Variants in AFG1L observed in about 807,000 individuals in gnomAD.
The protein encoded by AFG1L is AFG1 like ATPase, also known as AFG1-like ATPase.
In AFG1L, 53 loss-of-function variants were observed where a neutral mutation model predicts 62.2. The ratio of observed to expected loss-of-function variants is 0.85; its 90% CI spans 0.68 to 1.07. The LOEUF is 1.07. Among genes scored for constraint, AFG1L ranks in the 50% least tolerant of loss-of-function variants. The probability of loss-of-function intolerance (pLI) is 0.00; values close to 1 mark genes in which losing one functional copy is unlikely to be tolerated. For missense variants in AFG1L, 555 were observed against 590.5 expected, an observed-to-expected ratio of 0.94 and a Z score of 0.62; for synonymous variants, 228 against 210.3, an observed-to-expected ratio of 1.08 and a Z score of -0.73.
intron 6 of AFG1L, among the ~76,000 whole-genome samples, chr6:108,393,718 T>C (rs1008373333): frequency 3.0e-4 from 46 of 152,186 alleles, no homozygotes; most frequent in Admixed American, 2.2e-3. Context: ...GACCAAAGTG[T>C]TACCTTAACA....
At chr6:108,388,198 G>A (rs1780859582) in intron 6 of AFG1L, 1 of 152,112 alleles carries the variant, frequency 6.6e-6, no homozygotes, top group South Asian at 2.1e-4. Context: ...ACACACAAAG[G>A]ATTCCCAGAA....
rs780842549 is a variant in AFG1L, at chr6:108,510,339, T to G, written c.1190T>G (p.Phe397Cys). Residue 397 changes from phenylalanine (F) to cysteine (C), a missense_variant, in exon 11 of 13, where the codon TTT (phenylalanine) becomes TGT (cysteine). Physicochemically the swap from Phe to Cys is radical, Grantham distance 205. Transcript: ENST00000368977. The part of the protein sequence containing the change: ...GRRFITLIDN[F>C]YDLKVRIICS... ...AGATTCATAACTCTCATCGATAACT[T>G]TTATGATCTCAAGGTAAGGATGTAG... is the stretch of plus-strand genomic sequence containing the variant. 5 of 1,609,446 alleles carry G rather than the reference T, an allele frequency of 3.1e-6. No homozygotes were observed. The East Asian group carries it at 8.9e-5, about 29-fold the overall frequency.
At chr6:108,470,890 C>G (rs1211486057) in intron 8 of AFG1L, among the ~76,000 whole-genome samples, 1 of 152,162 alleles carries the variant, frequency 6.6e-6, no homozygotes, top group Non-Finnish European at 1.5e-5. Context: ...GGAACATGAA[C>G]AAGAACTCAT....
intron 2 of AFG1L, among the ~76,000 whole-genome samples, chr6:108,345,458 C>G (rs1218971650): frequency 6.6e-6 from 1 of 152,094 alleles, no homozygotes; most frequent in Admixed American, 6.5e-5. Flanking sequence ...CTCCCGGGCT[C>G]AAGCAATCCT....
At position 108,324,011 on chromosome 6, in the gene AFG1L, A is replaced by G; in HGVS notation, c.326A>G (p.Lys109Arg). The stretch of plus-strand genomic sequence containing the variant: ...TTGCAGAAATTACACGAGGACCTTA[A>G]AGGATACAATATAGAGGCAGAAGGC... ...QCLQKLHEDL[K>R]GYNIEAEGLF... Residue 109 changes from lysine to arginine, a missense_variant, in exon 2 of 13, where the codon AAA becomes AGA. Transcript: ENST00000368977. 2.5e-6 allele frequency: 4 copies of G among 1,614,094 alleles called. No individual in the cohort carries two copies. Among genetic ancestry groups the G allele is most frequent in the South Asian group, 2.2e-5 (2 of 91,074 alleles).
At chr6:108,456,535 C>T (rs1036322202) in intron 8 of AFG1L, among the ~76,000 whole-genome samples, 1 of 151,936 alleles carries the variant, frequency 6.6e-6, no homozygotes, top group African/African-American at 2.4e-5. Context: ...AAGTCTATAA[C>T]TCAGTGGTTT....
intron 1 of AFG1L, among the ~76,000 whole-genome samples, chr6:108,314,378 C>A (rs1444664474): frequency 2.0e-5 from 3 of 151,700 alleles, no homozygotes; most frequent in African/African-American, 7.3e-5. Flanking sequence ...GTACCCTGAT[C>A]AAAACCTTCT....
rs565173990 is a variant in AFG1L at position 108,454,883 on chromosome 6, C to A, written c.890+7587C>A. Among the ~76,000 whole-genome samples, 3 of 152,272 alleles carry A rather than the reference C, an allele frequency of 2.0e-5. No homozygotes were observed. In the East Asian group the frequency reaches 5.8e-4, roughly 29 times the overall value. On this transcript the variant is annotated intron_variant, in intron 8 of 12. Coordinates refer to ENST00000368977, the MANE Select transcript of AFG1L (RefSeq NM_145315.5). The stretch of plus-strand genomic sequence containing the variant: ...GGCCAGGCTGGTTTCAAGCAGTCCG[C>A]CTGCCTCGGCCTCCCAAAGTGCTGG...
intron 8 of AFG1L, among the ~76,000 whole-genome samples, chr6:108,468,759 CTTTT>C (rs34963344): frequency 7.2e-6 from 1 of 138,846 alleles, no homozygotes; most frequent in African/African-American, 2.7e-5. Context: ...TTCTATTTTC[CTTTT>C]TTTTTTTTTT....
intron 1 of AFG1L, among the ~76,000 whole-genome samples, chr6:108,320,251 C>G (rs747393895): frequency 6.6e-6 from 1 of 152,118 alleles, no homozygotes; most frequent in Non-Finnish European, 1.5e-5. Flanking sequence ...GGAGGCTATA[C>G]ATTGATTTGA....
chr6:108,510,527 G>A (rs551147888), intron 11 of AFG1L, among the ~76,000 whole-genome samples, 175 bp downstream of exon 11: 3 of 152,262 alleles, frequency 2.0e-5, no homozygotes, highest in Non-Finnish European at 2.9e-5. Context: ...GGGTTGTTGC[G>A]AGGACTAAAA....
intron 8 of AFG1L, among the ~76,000 whole-genome samples, chr6:108,458,424 G>C (rs189668255): frequency 5.8e-4 from 88 of 151,950 alleles, no homozygotes; most frequent in Non-Finnish European, 8.7e-4. Flanking sequence ...CAGTGTATTT[G>C]TCCATGTTAG....
At chr6:108,499,723 T>A (rs1774112818) in intron 10 of AFG1L, among the ~76,000 whole-genome samples, 1 of 151,936 alleles carries the variant, frequency 6.6e-6, no homozygotes, top group Non-Finnish European at 1.5e-5. Flanking sequence ...TGCACTCCAG[T>A]CTGGGCAAAA....
In AFG1L at chr6:108,501,334, T is replaced by C. The variant is rs561984456; in HGVS notation, c.1063-8878T>C. Among the ~76,000 whole-genome samples the C allele has an allele frequency of 4.6e-5, 7 of 152,306 alleles. No individual in the cohort carries two copies. In the East Asian group the frequency reaches 1.4e-3, roughly 29 times the overall value. On this transcript the variant is annotated intron_variant, in intron 10 of 12. Coordinates refer to ENST00000368977, the MANE Select transcript of AFG1L (RefSeq NM_145315.5). The stretch of plus-strand genomic sequence containing the variant: ...TAGTTACCATCTATGTGAACAAGAA[T>C]CCTCATTCATACAAGGAGACATTAA...
chr6:108,408,882 A>G (rs1324344276), intron 7 of AFG1L, among the ~76,000 whole-genome samples: 1 of 152,128 alleles, frequency 6.6e-6, no homozygotes, highest in African/African-American at 2.4e-5. Flanking sequence ...TATCATAGAA[A>G]CAAAAAAATA....
At chr6:108,486,692 T>C (rs1356177207) in intron 10 of AFG1L, among the ~76,000 whole-genome samples, 1 of 152,200 alleles carries the variant, frequency 6.6e-6, no homozygotes, top group Non-Finnish European at 1.5e-5. Context: ...GATTACTACA[T>C]TGACTTTGGT....
At chr6:108,441,809 A>C (rs1771565595) in intron 7 of AFG1L, among the ~76,000 whole-genome samples, 1 of 151,740 alleles carries the variant, frequency 6.6e-6, no homozygotes, top group Admixed American at 6.6e-5. Context: ...GCTGCTGATT[A>C]GGTATTCCTC....
At chr6:108,483,261 T>A (rs561903372) in intron 10 of AFG1L, among the ~76,000 whole-genome samples, 42 of 152,348 alleles carry the variant, frequency 2.8e-4, no homozygotes, top group African/African-American at 1.0e-3. Flanking sequence ...GTTAATTTGA[T>A]GGGCTTAATG....
At chr6:108,311,956 C>T (rs2114840677) in intron 1 of AFG1L, among the ~76,000 whole-genome samples, 1 of 152,214 alleles carries the variant, frequency 6.6e-6, no homozygotes, top group East Asian at 1.9e-4. Flanking sequence ...CCTATGCCTC[C>T]TGGGTTCAAG....
Sources: gnomAD v4.1 joint callset for allele counts (sites outside exome capture counted in the v4.1 genomes callset) on GRCh38, gnomAD v4.1.1 for gene constraint, MANE v1.5 for transcripts, NCBI Gene and HGNC (gene_info 2026-07-23, HGNC 2026-07-21) for gene names.